USP39: variants seen among roughly 807,000 people sequenced by gnomAD.
The protein encoded by USP39 is ubiquitin carboxyl-terminal hydrolase 39.
In USP39, 38 loss-of-function variants were observed where a neutral mutation model predicts 66.4. The observed-to-expected ratio is 0.57, with a 90% CI of 0.44 to 0.75. The LOEUF is 0.75. Among genes scored for constraint, USP39 ranks in the 30% least tolerant of loss-of-function variants. USP39 has a pLI of 0.00. For synonymous variants in USP39, 303 were observed against 274.6 expected (o/e 1.10, Z -1.02); for missense variants, 608 against 714.4 (o/e 0.85, Z 1.70).
At chr2:85,613,174 C>T (rs141489438), upstream of USP39, among the ~76,000 whole-genome samples, 2 of 151,912 alleles carry the variant, frequency 1.3e-5, no homozygotes, top group African/African-American at 2.4e-5. Flanking sequence ...GCCTGGGCAA[C>T]ACAGCGAGAC....
chr2:85,633,580 CG>C (rs1186765611), intron 6 of USP39, among the ~76,000 whole-genome samples: 2 of 151,958 alleles, frequency 1.3e-5, no homozygotes. Context: ...GACCATCCTG[CG>C]TGACATAGAC....
At chr2:85,636,154 G>A (rs1161821801) in intron 7 of USP39, 24 bp downstream of exon 7, 25 of 1,608,866 alleles carry the variant, frequency 1.6e-5, no homozygotes, top group Non-Finnish European at 2.0e-5. Context: ...TTATAAAAAG[G>A]AGTTATTTTG....
At chr2:85,631,936 A>AG (rs370994469) in intron 6 of USP39, among the ~76,000 whole-genome samples, 11,840 of 109,272 alleles carry the variant, frequency 0.11, 950 homozygotes, top group East Asian at 0.38. Flanking sequence ...TTTAGTAGAG[A>AG]GGGGGTTTCA....
chr2:85,616,705 T>A, intron 1 of USP39, among the ~76,000 whole-genome samples: 1 of 143,448 alleles, frequency 7.0e-6, no homozygotes, highest in South Asian at 2.2e-4. Context: ...TGAGATGGAG[T>A]CTCATTCTGT....
intron 5 of USP39, among the ~76,000 whole-genome samples, chr2:85,628,539 TTC>T (rs1315805540): frequency 7.9e-5 from 12 of 152,190 alleles, no homozygotes; most frequent in Admixed American, 7.9e-4. Context: ...GCATAGGAAG[TTC>T]TCTTTATAAA....
chr2:85,632,971 A>G (rs1349014703), intron 6 of USP39, among the ~76,000 whole-genome samples: 2 of 152,162 alleles, frequency 1.3e-5, no homozygotes, highest in Non-Finnish European at 2.9e-5. Flanking sequence ...AGTGCCTGGC[A>G]TAGTCAGAGA....
chr2:85,609,143 C>A, upstream of USP39: 1 of 1,562,178 alleles, frequency 6.4e-7, no homozygotes, highest in Non-Finnish European at 8.7e-7. Context: ...CCTAAACACT[C>A]TCACAGAACT....
At chr2:85,641,233 C>A in intron 10 of USP39, 115 bp downstream of exon 10, 1 of 1,291,790 alleles carries the variant, frequency 7.7e-7, no homozygotes, top group Non-Finnish European at 1.1e-6. Flanking sequence ...AGGAACAGAG[C>A]CTACCTACAG....
intron 4 of USP39, 134 bp from the exon 5 acceptor site, chr2:85,625,405 T>C: frequency 9.0e-7 from 1 of 1,106,822 alleles, no homozygotes; most frequent in Non-Finnish European, 1.3e-6. Flanking sequence ...TTACACCTAC[T>C]GGTTCGGACT....
chr2:85,611,097 C>T (rs539773356), upstream of USP39: 85 of 256,154 alleles, frequency 3.3e-4, no homozygotes, highest in Non-Finnish European at 5.0e-4. Flanking sequence ...CAAAATTAAC[C>T]GGTGTGGTGG....
chr2:85,630,603 C>A, intron 5 of USP39, 118 bp from the exon 6 acceptor site: 1 of 929,818 alleles, frequency 1.1e-6, no homozygotes, highest in Non-Finnish European at 1.6e-6. Flanking sequence ...TTACTTTTGG[C>A]TCTTTAAGGC....
At chr2:85,623,358 T>A (rs933452782) in intron 3 of USP39, among the ~76,000 whole-genome samples, 2 of 149,326 alleles carry the variant, frequency 1.3e-5, no homozygotes, top group Admixed American at 6.7e-5. Context: ...TATATAGATA[T>A]ATATATAGGT....
rs747415791 is a variant in USP39, at chr2:85,636,074, C to T, written c.971C>T (p.Ser324Phe). 24 of 1,614,100 alleles carry T rather than the reference C, an allele frequency of 1.5e-5. No individual in the cohort carries two copies. The highest frequency in any genetic ancestry group is 1.9e-5 in the Non-Finnish European group (23 of 1,180,012). The change falls in exon 7 of 13, where the codon TCT (serine) becomes TTT (phenylalanine). Residue 324 changes from serine (S) to phenylalanine (F), a missense_variant. Physicochemically the swap from Ser to Phe is radical, Grantham distance 155 (BLOSUM62 -2). Around this residue, in one of 6 missense-constraint regions of USP39, gnomAD observed 72 missense variants for 60.1 expected, o/e 1.20. Transcript: ENST00000323701. ...CCAGGAGATGGCGTTGACTTTCTGT[C>T]TTGGTTTCTGAATGCTCTGCACTCA... Reference protein sequence around the residue: ...TKQGDGVDFLSWFLNALHSAL... With the variant: ...TKQGDGVDFLFWFLNALHSAL...
chr2:85,609,187 C>A, upstream of USP39: 2 of 1,401,354 alleles, frequency 1.4e-6, no homozygotes, highest in Non-Finnish European at 1.9e-6. Context: ...CAGCACCTGT[C>A]ATTTCCTATG....
At chr2:85,611,972 G>A (rs1434544048), upstream of USP39, 11 of 1,507,622 alleles carry the variant, frequency 7.3e-6, no homozygotes, top group Non-Finnish European at 9.6e-6. Context: ...CGGGGATGCG[G>A]CCCCGCCTCC....
At chr2:85,611,727 G>A, upstream of USP39, 3 of 1,605,702 alleles carry the variant, frequency 1.9e-6, no homozygotes, top group South Asian at 1.1e-5. Context: ...CGGCGCGGGC[G>A]TGTGCCGCCT....
Position 85,641,134 on chromosome 2 carries a change from C to T in USP39, c.1427+16C>T. ...TCCCTATTACGTAAGTAACATCCTG[C>T]CTCACTTCTCTCACGGGGAGTGAAC... On this transcript the variant is annotated intron_variant, in intron 10 of 12. Transcript: ENST00000323701. The T allele has an allele frequency of 6.2e-7, 1 of 1,610,810 alleles. No homozygotes were observed. The highest frequency in any genetic ancestry group is 1.1e-5 in the South Asian group (1 of 90,134).
chr2:85,636,453 A>G (rs1235312950), intron 7 of USP39, among the ~76,000 whole-genome samples: 2 of 152,142 alleles, frequency 1.3e-5, no homozygotes, highest in African/African-American at 2.4e-5. Flanking sequence ...TTCTTTCTGA[A>G]TAGGCCCCTC....
At chr2:85,608,870 C>G, upstream of USP39, 1 of 1,582,016 alleles carries the variant, frequency 6.3e-7, no homozygotes, top group Non-Finnish European at 8.6e-7. Flanking sequence ...GTCCTGGTAC[C>G]CCCACACTAA....
Sources: gnomAD v4.1 joint callset for allele counts (sites outside exome capture counted in the v4.1 genomes callset) on GRCh38, gnomAD v4.1.1 for gene constraint, gnomAD v4.1.1 regional missense constraint, MANE v1.5 for transcripts, NCBI Gene and HGNC (gene_info 2026-07-23, HGNC 2026-07-21) for gene names.